Variants in DLGAP2 observed in about 807,000 individuals in gnomAD.
DLGAP2 encodes the protein disks large-associated protein 2.
DLGAP2 carries 26 observed loss-of-function variants against 100.3 expected under a neutral mutation model. The observed-to-expected ratio is 0.26, with a 90% confidence interval of 0.19 to 0.36. The LOEUF (loss-of-function observed/expected upper bound fraction) is 0.36. DLGAP2 is among the 10% of genes least tolerant of loss of function. The probability of loss-of-function intolerance (pLI) is 1.00; values close to 1 mark genes in which losing one functional copy is unlikely to be tolerated. For missense variants in DLGAP2, 1,858 were observed against 1,453.2 expected (o/e 1.28, Z -4.53); for synonymous variants, 886 against 630.1 (o/e 1.41, Z -6.08).
At chr8:1,673,889 T>TTTTA (rs1798749097) in intron 10 of DLGAP2, among the ~76,000 whole-genome samples, 2 of 152,172 alleles carry the variant, frequency 1.3e-5, no homozygotes, top group Admixed American at 1.3e-4. Flanking sequence ...GAAAACTTCC[T>TTTTA]TTTACTTTTG....
chr8:903,501 C>G (rs975182067), intron 1 of DLGAP2, among the ~76,000 whole-genome samples: 3 of 151,666 alleles, frequency 2.0e-5, no homozygotes, highest in Admixed American at 2.0e-4. Context: ...ACGACGGTCA[C>G]CATCTCAGAA....
At position 988,909 on chromosome 8, in the gene DLGAP2, C is replaced by T. The variant is rs544825589; in HGVS notation, c.73+80943C>T. Among the ~76,000 whole-genome samples, 15 of 152,350 alleles carry T rather than the reference C, an allele frequency of 9.8e-5. No homozygotes were observed. In the South Asian group the frequency reaches 3.1e-3, roughly 32 times the overall value. On this transcript the variant is annotated intron_variant, in intron 2 of 14. Coordinates refer to ENST00000637795, the MANE Select transcript of DLGAP2 (RefSeq NM_001346810.2). ...GGAGTTTCTCAGATGCTTCTCTGTC[C>T]TCTGACAATGCAGGTGCCTCTCCAC...
chr8:1,361,553 G>A (rs774882534), intron 3 of DLGAP2, among the ~76,000 whole-genome samples: 3 of 152,186 alleles, frequency 2.0e-5, no homozygotes, highest in Non-Finnish European at 4.4e-5. Flanking sequence ...CTTCTTGCTC[G>A]TGATTGTTTT....
intron 2 of DLGAP2, among the ~76,000 whole-genome samples, chr8:1,257,252 G>C (rs1423736820): frequency 6.6e-6 from 1 of 152,108 alleles, no homozygotes; most frequent in Non-Finnish European, 1.5e-5. Context: ...TCCCAGGTGA[G>C]CTCCGTCCCC....
At chr8:1,504,485 G>C (rs1191250245) in intron 4 of DLGAP2, among the ~76,000 whole-genome samples, 1 of 152,088 alleles carries the variant, frequency 6.6e-6, no homozygotes, top group Non-Finnish European at 1.5e-5. Context: ...TGGTACCATA[G>C]ACCTCGTCAC....
chr8:1,561,971 G>A (rs1300574264), intron 5 of DLGAP2, among the ~76,000 whole-genome samples: 2 of 64,062 alleles, frequency 3.1e-5, no homozygotes, highest in Admixed American at 2.2e-4. Flanking sequence ...TCCGCGCCTC[G>A]TTGCTGCGGG....
At chr8:1,361,661 G>T (rs1479171634) in intron 3 of DLGAP2, among the ~76,000 whole-genome samples, 1 of 152,174 alleles carries the variant, frequency 6.6e-6, no homozygotes, top group East Asian at 1.9e-4. Flanking sequence ...CTGACTATTA[G>T]CTTTCTCCAT....
intron 1 of DLGAP2, among the ~76,000 whole-genome samples, chr8:879,624 G>C (rs1048540614): frequency 6.6e-6 from 1 of 152,118 alleles, no homozygotes; most frequent in East Asian, 1.9e-4. Context: ...ACACAAATCC[G>C]TTCTTTAGTT....
intron 2 of DLGAP2, among the ~76,000 whole-genome samples, chr8:1,192,574 C>T (rs908991037): frequency 6.6e-6 from 1 of 152,058 alleles, no homozygotes; most frequent in Non-Finnish European, 1.5e-5. Flanking sequence ...CAGCCCCGCC[C>T]TCCCTCTCCA....
At chr8:1,512,283 T>C (rs553735286) in intron 4 of DLGAP2, among the ~76,000 whole-genome samples, 31 of 152,310 alleles carry the variant, frequency 2.0e-4, no homozygotes, top group African/African-American at 7.5e-4. Context: ...AACTTAAAAA[T>C]AACCCATGAA....
At chr8:787,611 G>A (rs1161746609) in intron 1 of DLGAP2, among the ~76,000 whole-genome samples, 3 of 152,162 alleles carry the variant, frequency 2.0e-5, no homozygotes, top group East Asian at 1.9e-4. Flanking sequence ...AGCTGGCAGC[G>A]CCCGGAGTCA....
At chr8:1,635,861 G>T (rs1407896024) in intron 8 of DLGAP2, among the ~76,000 whole-genome samples, 1 of 152,196 alleles carries the variant, frequency 6.6e-6, no homozygotes, top group Non-Finnish European at 1.5e-5. Context: ...ACGTCTGTTG[G>T]TTTGGGGACA....
At chr8:865,075 C>A (rs1452970269) in intron 1 of DLGAP2, among the ~76,000 whole-genome samples, 1 of 152,204 alleles carries the variant, frequency 6.6e-6, no homozygotes, top group Non-Finnish European at 1.5e-5. Flanking sequence ...TCAATCTCAG[C>A]TATGCGGTCT....
chr8:1,237,068 C>T (rs1798674537), intron 2 of DLGAP2, among the ~76,000 whole-genome samples: 2 of 141,670 alleles, frequency 1.4e-5, no homozygotes, highest in East Asian at 2.1e-4. Context: ...ATGTCTAGTT[C>T]TGTCACATGG....
At chr8:1,270,894 T>A (rs4445249) in intron 3 of DLGAP2, among the ~76,000 whole-genome samples, 115,343 of 151,952 alleles carry the variant, frequency 0.76, 44,130 homozygotes, top group Non-Finnish European at 0.81. Flanking sequence ...TAGATGTTCT[T>A]CGTAAATTTG....
At chr8:1,064,367 C>A (rs1005859985) in intron 2 of DLGAP2, among the ~76,000 whole-genome samples, 3 of 152,184 alleles carry the variant, frequency 2.0e-5, no homozygotes, top group African/African-American at 7.2e-5. Context: ...ATATGTCAGG[C>A]AACCTGTTTC....
At chr8:1,229,602 G>A (rs1454021858) in intron 2 of DLGAP2, among the ~76,000 whole-genome samples, 1 of 151,996 alleles carries the variant, frequency 6.6e-6, no homozygotes, top group Non-Finnish European at 1.5e-5. Context: ...GCTTATTGAT[G>A]AACACAGATG....
chr8:1,324,877 C>T (rs1279200781), intron 3 of DLGAP2, among the ~76,000 whole-genome samples: 1 of 152,174 alleles, frequency 6.6e-6, no homozygotes, highest in Non-Finnish European at 1.5e-5. Context: ...GCAGAGAGCA[C>T]AAGAATAAAG....
At chr8:1,286,118 A>G (rs754846286) in intron 3 of DLGAP2, among the ~76,000 whole-genome samples, 1 of 152,136 alleles carries the variant, frequency 6.6e-6, no homozygotes, top group Non-Finnish European at 1.5e-5. Flanking sequence ...TCATTGAATC[A>G]TGGGGTGGTT....
Sources: allele counts gnomAD v4.1 joint callset (sites outside exome capture counted in the v4.1 genomes callset), GRCh38; gene constraint gnomAD v4.1.1; transcripts MANE v1.5; gene names NCBI Gene and HGNC (gene_info 2026-07-23, HGNC 2026-07-21).